Variants in PHACTR1 observed in about 807,000 individuals in gnomAD.
PHACTR1 encodes RPEL repeat containing 1.
PHACTR1 carries 16 observed loss-of-function variants against 69.2 expected under a neutral mutation model. That is an observed-to-expected ratio of 0.23 (90% CI 0.16 to 0.35). The LOEUF (loss-of-function observed/expected upper bound fraction) is 0.35. PHACTR1 is among the 10% of genes least tolerant of loss of function. The pLI is 1.00. For synonymous variants in PHACTR1, 312 were observed against 284.5 expected, an observed-to-expected ratio of 1.10 and a Z score of -0.97; for missense variants, 510 against 734.7, an observed-to-expected ratio of 0.69 and a Z score of 3.54.
rs570280784 is a variant in PHACTR1 at position 13,068,246 on chromosome 6, G to GA, written c.415+14718dup. Among the ~76,000 whole-genome samples, 23 of 152,260 alleles carry GA rather than the reference G, an allele frequency of 1.5e-4. No homozygotes were observed. In the South Asian group the frequency reaches 4.6e-3, roughly 30 times the overall value. ...GCATGAGAATTGCTTGAACCTGGGG[G>GA]ACAGAGGTTGCAGTGAGCTAAGATG... is the stretch of plus-strand genomic sequence containing the variant. On this transcript the variant is annotated intron_variant, in intron 5 of 14. Coordinates refer to ENST00000332995, the MANE Select transcript of PHACTR1 (RefSeq NM_030948.6).
rs1187237979 is a variant in PHACTR1, at chr6:12,845,212, A to C, written c.250+95422A>C. Among the ~76,000 whole-genome samples, 7 of 152,300 alleles carry C rather than the reference A, an allele frequency of 4.6e-5. 1 individual carries two copies. The highest frequency in any genetic ancestry group is 1.7e-4 in the African/African-American group (7 of 41,568). ...TATACATCAATGCATGATTTATAAG[A>C]GGGAAAGTGGAGAAGTGCCCTCAGT... On this transcript the variant is annotated intron_variant, in intron 4 of 14. Coordinates refer to ENST00000332995, the MANE Select transcript of PHACTR1 (RefSeq NM_030948.6).
intron 4 of PHACTR1, among the ~76,000 whole-genome samples, chr6:12,925,119 C>A (rs1036425611): frequency 1.3e-5 from 2 of 152,198 alleles, no homozygotes; most frequent in African/African-American, 4.8e-5. Context: ...CAGCAGATGT[C>A]ATTTGTATTT....
At chr6:13,012,590 G>A (rs1799562590) in intron 4 of PHACTR1, among the ~76,000 whole-genome samples, 1 of 152,202 alleles carries the variant, frequency 6.6e-6, no homozygotes, top group African/African-American at 2.4e-5. Flanking sequence ...GCTTTGCATT[G>A]AAGTCACCTG....
At chr6:13,054,599 G>A (rs566615447) in intron 5 of PHACTR1, among the ~76,000 whole-genome samples, 1 of 152,278 alleles carries the variant, frequency 6.6e-6, no homozygotes, top group South Asian at 2.1e-4. Flanking sequence ...TCATTTTTGT[G>A]TGCACAGAGA....
At chr6:13,227,652 G>A (rs557371755) in intron 8 of PHACTR1, among the ~76,000 whole-genome samples, 164 bp from the exon 9 acceptor site, 1 of 152,298 alleles carries the variant, frequency 6.6e-6, no homozygotes, top group Non-Finnish European at 1.5e-5. Context: ...AGGACACCGT[G>A]CCGTCTTAAA....
chr6:12,887,402 T>A (rs1783746483), intron 4 of PHACTR1, among the ~76,000 whole-genome samples: 1 of 152,220 alleles, frequency 6.6e-6, no homozygotes, highest in Admixed American at 6.5e-5. Flanking sequence ...CACATGCCCC[T>A]GTTCTTCATT....
rs1760600368 is a variant in PHACTR1, at chr6:13,171,414, A to T, written c.497-11105A>T. Among the ~76,000 whole-genome samples the T allele has an allele frequency of 2.0e-5, 3 of 152,228 alleles. No homozygotes were observed. The South Asian group carries it at 6.2e-4, about 31-fold the overall frequency. The stretch of plus-strand genomic sequence containing the variant: ...TGGTGGAGATCAGTGTAGCAGCATC[A>T]TTTTAACCTCTCTGTTCCAGAAATG... On this transcript the variant is annotated intron_variant, in intron 6 of 14. Coordinates refer to ENST00000332995, the MANE Select transcript of PHACTR1 (RefSeq NM_030948.6).
At chr6:13,225,658 G>A (rs1445979068) in intron 8 of PHACTR1, among the ~76,000 whole-genome samples, 13 of 152,072 alleles carry the variant, frequency 8.5e-5, no homozygotes, top group African/African-American at 3.1e-4. Context: ...ATACTCTCTA[G>A]TTTCCAACTT....
intron 4 of PHACTR1, among the ~76,000 whole-genome samples, chr6:12,834,385 A>G (rs1332701598): frequency 1.3e-5 from 2 of 152,286 alleles, no homozygotes; most frequent in Admixed American, 1.3e-4. Context: ...GAGCTTGTGA[A>G]GTCTGATTCT....
At chr6:12,986,680 C>T (rs932382903) in intron 4 of PHACTR1, among the ~76,000 whole-genome samples, 3 of 152,128 alleles carry the variant, frequency 2.0e-5, no homozygotes, top group Non-Finnish European at 4.4e-5. Context: ...CATGCCAGAC[C>T]CCATGATGCC....
Position 12,818,666 on chromosome 6 carries a change from A to G in PHACTR1, c.250+68876A>G, listed in dbSNP as rs1051913827. Among the ~76,000 whole-genome samples, 44 of 152,234 alleles carry G rather than the reference A, an allele frequency of 2.9e-4. 2 individuals carry two copies. ...AAAAGAATTCTTTAGTATATTTTCT[A>G]ATGAGTTGACAGCTTTGTTCCAATA... On this transcript the variant is annotated intron_variant, in intron 4 of 14. Transcript: ENST00000332995.
At chr6:12,788,169 A>G (rs865847457) in intron 4 of PHACTR1, among the ~76,000 whole-genome samples, 1 of 151,812 alleles carries the variant, frequency 6.6e-6, no homozygotes, top group Non-Finnish European at 1.5e-5. Context: ...AATTAAAAAA[A>G]AAAAAAAACA....
chr6:12,992,775 G>T (rs1344100015), intron 4 of PHACTR1, among the ~76,000 whole-genome samples: 1 of 152,156 alleles, frequency 6.6e-6, no homozygotes, highest in East Asian at 1.9e-4. Flanking sequence ...GCTCCCGAGT[G>T]GGTCTTCCGG....
chr6:12,925,899 G>C (rs1246123017), intron 4 of PHACTR1, among the ~76,000 whole-genome samples: 1 of 152,088 alleles, frequency 6.6e-6, no homozygotes, highest in Non-Finnish European at 1.5e-5. Context: ...TTCAAACTCT[G>C]CCACTCCACT....
intron 8 of PHACTR1, among the ~76,000 whole-genome samples, chr6:13,206,774 A>G (rs1765988697): frequency 6.6e-6 from 1 of 152,152 alleles, no homozygotes; most frequent in East Asian, 1.9e-4. Context: ...ACCCACACCC[A>G]CACTCACTCA....
At chr6:13,018,021 A>T (rs2127661443) in intron 4 of PHACTR1, among the ~76,000 whole-genome samples, 1 of 152,272 alleles carries the variant, frequency 6.6e-6, no homozygotes, top group East Asian at 1.9e-4. Flanking sequence ...GACTTGCTAG[A>T]TGTTTTCCCA....
At chr6:12,727,941 C>T (rs1218015124) in intron 3 of PHACTR1, among the ~76,000 whole-genome samples, 8 of 152,096 alleles carry the variant, frequency 5.3e-5, no homozygotes, top group Non-Finnish European at 1.0e-4. Flanking sequence ...ACAAAGTTAT[C>T]TTCAAGATCT....
At chr6:13,158,558 G>A (rs771610143) in intron 5 of PHACTR1, among the ~76,000 whole-genome samples, 4 of 152,186 alleles carry the variant, frequency 2.6e-5, no homozygotes, top group Non-Finnish European at 5.9e-5. Context: ...GAGCTAGAAC[G>A]TAACATTTTT....
chr6:12,748,637 G>A (rs746131432), intron 3 of PHACTR1, among the ~76,000 whole-genome samples: 1 of 152,162 alleles, frequency 6.6e-6, no homozygotes, highest in Non-Finnish European at 1.5e-5. Context: ...AGGGGGCAGT[G>A]CAGGCGTTCA....
Sources: allele counts gnomAD v4.1 joint callset (sites outside exome capture counted in the v4.1 genomes callset), GRCh38; gene constraint gnomAD v4.1.1; transcripts MANE v1.5; gene names NCBI Gene and HGNC (gene_info 2026-07-23, HGNC 2026-07-21).